Variants in CPEB1 observed in about 807,000 individuals in gnomAD.
CPEB1 encodes cytoplasmic polyadenylation element-binding protein 1.
CPEB1 carries 7 observed loss-of-function variants against 65.8 expected under a neutral mutation model. The observed-to-expected ratio is 0.11, with a 90% CI of 0.06 to 0.20. CPEB1 has a LOEUF of 0.20. Ranked by LOEUF, CPEB1 falls within the 10% of genes least tolerant of loss-of-function variation. The pLI, the probability that CPEB1 is intolerant of heterozygous loss-of-function variation, is 1.00. For missense variants in CPEB1, 551 were observed against 712.2 expected (o/e 0.77, Z 2.58); for synonymous variants, 262 against 260.0 (o/e 1.01, Z -0.08).
chr15:82,565,995 G>T (rs928970912), intron 4 of CPEB1, among the ~76,000 whole-genome samples: 1 of 152,148 alleles, frequency 6.6e-6, no homozygotes, highest in Non-Finnish European at 1.5e-5. Flanking sequence ...TACCTCAGAG[G>T]GTATAAGAGA....
intron 3 of CPEB1, among the ~76,000 whole-genome samples, chr15:82,588,977 A>G (rs755188669): frequency 2.9e-4 from 44 of 152,142 alleles, no homozygotes; most frequent in Non-Finnish European, 5.1e-4. Flanking sequence ...ACAGATCCAC[A>G]TTAGTGTGCA....
intron 3 of CPEB1, among the ~76,000 whole-genome samples, chr15:82,616,053 A>G (rs2567632): frequency 0.27 from 40,696 of 151,968 alleles, 5,881 homozygotes; most frequent in South Asian, 0.42. Context: ...ATAACTATCA[A>G]TATGTACACA....
chr15:82,591,768 G>C (rs925182308), intron 3 of CPEB1, among the ~76,000 whole-genome samples: 5 of 151,194 alleles, frequency 3.3e-5, no homozygotes, highest in African/African-American at 1.2e-4. Flanking sequence ...ACATAAATTA[G>C]ATCATACAAT....
Position 82,553,915 on chromosome 15 carries a change from C to A in CPEB1, c.1017G>T (p.Lys339Asn). The A allele has an allele frequency of 6.2e-7, 1 of 1,613,026 alleles. No homozygotes were observed. The highest frequency in any genetic ancestry group is 8.5e-7 in the Non-Finnish European group (1 of 1,179,466). ...CCCAAGGAACACCTCCTAGAAACACCTTGCAAGAGTAGATGGGGTTCTTAT... is the reference window on the plus strand; with the variant it reads ...CCCAAGGAACACCTCCTAGAAACACATTGCAAGAGTAGATGGGGTTCTTAT... Reference protein sequence around the residue: ...RNYKNPIYSCKVFLGGVPWDI... With the variant: ...RNYKNPIYSCNVFLGGVPWDI... The change falls in exon 7 of 13, where the codon AAG (lysine) becomes AAT (asparagine). Residue 339 changes from lysine to asparagine, a missense_variant. Physicochemically the swap from Lys to Asn is moderately conservative, Grantham distance 94. Coordinates refer to ENST00000684509, the MANE Select transcript of CPEB1 (RefSeq NM_001365242.1).
In CPEB1 at chr15:82,571,290, T is replaced by C. The variant is rs546854485; in HGVS notation, c.460+54A>G. 42 of 1,568,486 alleles carry C rather than the reference T, an allele frequency of 2.7e-5. No individual in the cohort carries two copies. The African/African-American group carries it at 4.9e-4, about 18-fold the overall frequency. On this transcript the variant is annotated intron_variant, in intron 4 of 12. Coordinates refer to ENST00000684509, the MANE Select transcript of CPEB1 (RefSeq NM_001365242.1). ...ACAACTGTTGCTGTGGATATCTTCG[T>C]TCACCACCCCCATGCATCCCCTTAC... is the stretch of plus-strand genomic sequence containing the variant.
intron 3 of CPEB1, among the ~76,000 whole-genome samples, chr15:82,621,754 G>A (rs923027010): frequency 6.6e-6 from 1 of 152,134 alleles, no homozygotes; most frequent in Admixed American, 6.5e-5. Flanking sequence ...GGAGCTCTTC[G>A]CCTATGATAC....
chr15:82,642,692 T>C (rs867454410), intron 1 of CPEB1, among the ~76,000 whole-genome samples: 1 of 152,228 alleles, frequency 6.6e-6, no homozygotes, highest in African/African-American at 2.4e-5. Context: ...AACCACGTCC[T>C]ACCCTTTAGC....
At chr15:82,632,664 G>A (rs1379711497) in intron 1 of CPEB1, among the ~76,000 whole-genome samples, 2 of 151,804 alleles carry the variant, frequency 1.3e-5, no homozygotes, top group South Asian at 2.1e-4. Flanking sequence ...ACAGACAGGC[G>A]CCACCATGCC....
upstream of CPEB1, chr15:82,648,763 C>G (rs894832952): frequency 2.0e-5 from 3 of 152,356 alleles, no homozygotes; most frequent in Non-Finnish European, 4.4e-5. Flanking sequence ...CTGACCAGGA[C>G]TGAGGATGAT....
At chr15:82,551,450 C>T (rs2036239911) in intron 9 of CPEB1, among the ~76,000 whole-genome samples, 1 of 152,096 alleles carries the variant, frequency 6.6e-6, no homozygotes, top group Non-Finnish European at 1.5e-5. Context: ...AGAGTTCACT[C>T]CTGGTGTTTC....
intron 1 of CPEB1, among the ~76,000 whole-genome samples, chr15:82,644,251 T>G (rs1283592725): frequency 1.3e-5 from 2 of 152,188 alleles, no homozygotes; most frequent in African/African-American, 4.8e-5. Context: ...ACTTTGCCTA[T>G]AAATGTGACC....
intron 1 of CPEB1, chr15:82,641,607 T>C (rs994757986): frequency 2.6e-5 from 4 of 152,204 alleles, no homozygotes; most frequent in African/African-American, 9.6e-5. Context: ...AAGACCCGTT[T>C]TTAGCATACA....
At chr15:82,619,260 T>G (rs1320640938) in intron 3 of CPEB1, among the ~76,000 whole-genome samples, 3 of 152,194 alleles carry the variant, frequency 2.0e-5, no homozygotes, top group Non-Finnish European at 2.9e-5. Flanking sequence ...AGAACAAAAT[T>G]AATCTTCCCC....
At chr15:82,552,330 T>A in intron 9 of CPEB1, 150 bp downstream of exon 9, 1 of 628,940 alleles carries the variant, frequency 1.6e-6, no homozygotes, top group Non-Finnish European at 2.5e-6. Flanking sequence ...ATTGAGAGGA[T>A]ACTGCTATTT....
chr15:82,629,942 G>A (rs752249015), intron 1 of CPEB1: 23 of 985,226 alleles, frequency 2.3e-5, no homozygotes, highest in Non-Finnish European at 2.7e-5. Context: ...CTGTGAAGAC[G>A]ACCAAAATAC....
chr15:82,588,211 G>C (rs1237468799), intron 3 of CPEB1, among the ~76,000 whole-genome samples: 2 of 152,098 alleles, frequency 1.3e-5, no homozygotes, highest in South Asian at 2.1e-4. Context: ...GCCTCCCAAA[G>C]TGTGGGATTA....
intron 6 of CPEB1, 60 bp downstream of exon 6, chr15:82,555,810 A>G: frequency 3.2e-6 from 5 of 1,561,516 alleles, no homozygotes; most frequent in Non-Finnish European, 4.3e-6. Flanking sequence ...AACTAAGGTC[A>G]CTTCCTCTCT....
rs1256446072 is a variant in CPEB1 at position 82,556,064 on chromosome 15, C to T, written c.746G>A (p.Arg249Lys). The change falls in exon 6 of 13, where the codon AGA becomes AAA. Residue 249 changes from arginine to lysine, a missense_variant. Arg to Lys is a conservative substitution (Grantham distance 26, BLOSUM62 2). Transcript: ENST00000684509. ...PFLSLSGGGP[R>K]DPLKMGVGSR... ...CCCTACCCCCATCTTTAAAGGGTCT[C>T]TGGGACCACCCCCTGACAGAGACAG... 1 of 1,611,732 alleles carries T rather than the reference C, an allele frequency of 6.2e-7. No homozygotes were observed. The highest frequency in any genetic ancestry group is 1.7e-5 in the Admixed American group (1 of 59,676).
At chr15:82,577,832 A>G (rs949563989) in intron 3 of CPEB1, among the ~76,000 whole-genome samples, 1 of 152,078 alleles carries the variant, frequency 6.6e-6, no homozygotes, top group Non-Finnish European at 1.5e-5. Flanking sequence ...CTCATCTGAA[A>G]AATATAGCAT....
Sources: allele counts gnomAD v4.1 joint callset (sites outside exome capture counted in the v4.1 genomes callset), GRCh38; gene constraint gnomAD v4.1.1; transcripts MANE v1.5; gene names NCBI Gene and HGNC (gene_info 2026-07-23, HGNC 2026-07-21).